The following FRMD6 variants were observed in gnomAD, a reference collection of about 807,000 sequenced individuals.
FRMD6 encodes the protein FERM domain containing 6.
In FRMD6, 37 loss-of-function variants were observed where a neutral mutation model predicts 73.2. The observed-to-expected ratio is 0.51, with a 90% CI of 0.39 to 0.66. The LOEUF (loss-of-function observed/expected upper bound fraction) is 0.66, where lower values mean the gene tolerates loss of function less well. FRMD6 is among the 30% of genes least tolerant of loss of function. FRMD6 has a pLI of 0.00. For missense variants in FRMD6, 714 were observed against 780.5 expected, an observed-to-expected ratio of 0.91 and a Z score of 1.02; for synonymous variants, 273 against 282.2, an observed-to-expected ratio of 0.97 and a Z score of 0.33.
the FRMD6 span, among the ~76,000 whole-genome samples, chr14:51,467,334 C>T: frequency 2.0e-5 from 3 of 152,254 alleles, no homozygotes; most frequent in Admixed American, 6.5e-5. Flanking sequence ...TTTCTTATTA[C>T]GGAACAAAAT....
chr14:51,638,786 T>C (rs1891688463), intron 2 of FRMD6, among the ~76,000 whole-genome samples: 1 of 152,218 alleles, frequency 6.6e-6, no homozygotes, highest in Non-Finnish European at 1.5e-5. Flanking sequence ...ACTGTTGGAA[T>C]GGAAGAGGTG....
the FRMD6 span, among the ~76,000 whole-genome samples, chr14:51,406,567 T>C: frequency 1.2e-4 from 19 of 152,186 alleles, no homozygotes; most frequent in Non-Finnish European, 2.6e-4. Flanking sequence ...CTAGGTATTT[T>C]AGTCATTTTG....
intron 1 of FRMD6, among the ~76,000 whole-genome samples, chr14:51,505,805 A>G (rs1449335376): frequency 1.3e-5 from 2 of 152,066 alleles, no homozygotes; most frequent in Non-Finnish European, 2.9e-5. Flanking sequence ...TTTATCTCAT[A>G]CATTTCTCTG....
intron 1 of FRMD6, among the ~76,000 whole-genome samples, chr14:51,679,538 A>G (rs1894649816): frequency 1.4e-5 from 2 of 147,786 alleles, no homozygotes; most frequent in African/African-American, 5.0e-5. Context: ...GTCAAAACAA[A>G]TTAAGTCATT....
chr14:51,396,473 C>G, the FRMD6 span, among the ~76,000 whole-genome samples: 3 of 151,992 alleles, frequency 2.0e-5, no homozygotes, highest in African/African-American at 7.3e-5. Flanking sequence ...AGGTCTTGTA[C>G]TGTTTATCGT....
chr14:51,626,418 C>T (rs982246632), intron 2 of FRMD6, among the ~76,000 whole-genome samples: 7 of 152,232 alleles, frequency 4.6e-5, no homozygotes, highest in African/African-American at 1.2e-4. Context: ...AGGGAAAGCA[C>T]GTGGATTTTG....
intron 2 of FRMD6, among the ~76,000 whole-genome samples, chr14:51,573,340 A>G (rs1338959828): frequency 6.6e-6 from 1 of 152,182 alleles, no homozygotes; most frequent in Non-Finnish European, 1.5e-5. Context: ...GACCACTGAC[A>G]TTTCAATGCC....
At chr14:51,411,763 T>C in the FRMD6 span, among the ~76,000 whole-genome samples, 2 of 152,218 alleles carry the variant, frequency 1.3e-5, no homozygotes, top group Non-Finnish European at 2.9e-5. Flanking sequence ...TTTGTGTGTA[T>C]GTATGGAAAT....
intron 2 of FRMD6, among the ~76,000 whole-genome samples, chr14:51,617,950 A>G (rs1890777996): frequency 6.6e-6 from 1 of 152,210 alleles, no homozygotes; most frequent in Admixed American, 6.5e-5. Context: ...ATTTACTTGC[A>G]AGTGTTTAAT....
intron 2 of FRMD6, among the ~76,000 whole-genome samples, chr14:51,582,480 A>T (rs1596651972): frequency 6.6e-6 from 1 of 152,322 alleles, no homozygotes; most frequent in East Asian, 1.9e-4. Context: ...TTGTGGCTCC[A>T]GACCCACCAT....
At chr14:51,551,198 C>G (rs78292497) in intron 1 of FRMD6, among the ~76,000 whole-genome samples, 36 of 152,342 alleles carry the variant, frequency 2.4e-4, no homozygotes, top group African/African-American at 8.4e-4. Flanking sequence ...TGGAAACTGA[C>G]TTGAAAACAC....
intron 1 of FRMD6, among the ~76,000 whole-genome samples, chr14:51,524,075 C>T (rs1885095301): frequency 6.6e-6 from 1 of 152,188 alleles, no homozygotes. Flanking sequence ...TTTTTGTACA[C>T]ACATACACAA....
the FRMD6 span, among the ~76,000 whole-genome samples, chr14:51,399,384 T>A: frequency 6.6e-6 from 1 of 152,204 alleles, no homozygotes; most frequent in South Asian, 2.1e-4. Flanking sequence ...TCCTCTCTAG[T>A]AGACATTAGC....
At position 51,574,435 on chromosome 14, in the gene FRMD6, A is replaced by G. The variant is rs139958161; in HGVS notation, c.-147+4025A>G. ...AAATACAAGTGTCCATCATGAGACAAATGGATAAAGAAAATGTGGTATGTA... is the reference window on the plus strand; with the variant it reads ...AAATACAAGTGTCCATCATGAGACAGATGGATAAAGAAAATGTGGTATGTA... On this transcript the variant is annotated intron_variant, in intron 2 of 14. Transcript: ENST00000356218. Among the ~76,000 whole-genome samples, 734 of 152,322 alleles carry G rather than the reference A, an allele frequency of 4.8e-3. 9 individuals carry two copies. Among genetic ancestry groups the G allele is most frequent in the Admixed American group, 0.023 (358 of 15,300 alleles).
intron 2 of FRMD6, among the ~76,000 whole-genome samples, chr14:51,630,232 A>G (rs1018125145): frequency 1.3e-5 from 2 of 152,242 alleles, no homozygotes. Context: ...CCCATATACT[A>G]GATATGAAAT....
Position 51,712,349 on chromosome 14 carries a change from A to G in FRMD6, c.781-134A>G, listed in dbSNP as rs185355496. On this transcript the variant is annotated intron_variant, in intron 8 of 13. Coordinates refer to ENST00000344768, the MANE Select transcript of FRMD6 (RefSeq NM_001267046.2). ...CATGAATCTTTTAATTATTGTCTGT[A>G]TTTCTCCAAAGAGATGTGGGGGCTT... 2.8e-4 allele frequency: 176 copies of G among 637,862 alleles called. 2 individuals are homozygous for G. Among genetic ancestry groups the G allele is most frequent in the Middle Eastern group, 1.9e-3 (5 of 2,616 alleles). The allele number at this position is 637,862 out of a possible 1,614,324, so 39.5% of individuals were successfully genotyped here.
chr14:51,440,584 C>A, the FRMD6 span, among the ~76,000 whole-genome samples: 2 of 152,150 alleles, frequency 1.3e-5, no homozygotes, highest in Non-Finnish European at 2.9e-5. Context: ...TTAGAAAGTG[C>A]TGGAGAACTG....
At chr14:51,449,498 A>C in the FRMD6 span, among the ~76,000 whole-genome samples, 1 of 152,150 alleles carries the variant, frequency 6.6e-6, no homozygotes, top group Non-Finnish European at 1.5e-5. Flanking sequence ...CAAAGCCACA[A>C]AGAAGGAGCT....
intron 3 of FRMD6, among the ~76,000 whole-genome samples, 200 bp downstream of exon 3, chr14:51,698,432 T>A (rs1175018545): frequency 6.6e-6 from 1 of 152,154 alleles, no homozygotes. Context: ...ATATTTAGGA[T>A]TTTAGGCATT....
Sources: gnomAD v4.1 joint callset for allele counts (sites outside exome capture counted in the v4.1 genomes callset) on GRCh38, gnomAD v4.1.1 for gene constraint, MANE v1.5 for transcripts, NCBI Gene and HGNC (gene_info 2026-07-23, HGNC 2026-07-21) for gene names.